THSD4: variants seen among roughly 807,000 people sequenced by gnomAD.
The protein encoded by THSD4 is thrombospondin type 1 domain containing 4.
Under a neutral mutation model 119.0 loss-of-function variants are expected in THSD4, and 69 were observed. The ratio of observed to expected loss-of-function variants is 0.58; its 90% CI spans 0.48 to 0.71. The LOEUF is 0.71. THSD4 is among the 30% of genes least tolerant of loss of function. THSD4 has a pLI of 0.00. For missense variants in THSD4, 1,393 were observed against 1,391.1 expected, an observed-to-expected ratio of 1.00 and a Z score of -0.02; for synonymous variants, 524 against 540.4, an observed-to-expected ratio of 0.97 and a Z score of 0.42.
intron 8 of THSD4, among the ~76,000 whole-genome samples, chr15:71,718,982 C>T (rs2052663646): frequency 6.6e-6 from 1 of 152,150 alleles, no homozygotes; most frequent in Admixed American, 6.5e-5. Context: ...AGTTTATTTT[C>T]TTATTATACC....
chr15:71,736,196 GCTCT>G (rs1567127123), intron 10 of THSD4, among the ~76,000 whole-genome samples: 2 of 111,270 alleles, frequency 1.8e-5, no homozygotes, highest in East Asian at 5.7e-4. Context: ...TCTCTCTCTT[GCTCT>G]CTGTCTCTCT....
At chr15:71,314,395 C>T (rs2045157123) in intron 6 of THSD4, among the ~76,000 whole-genome samples, 1 of 152,108 alleles carries the variant, frequency 6.6e-6, no homozygotes, top group Non-Finnish European at 1.5e-5. Context: ...CAACCTCTGA[C>T]TCCTGGGTCC....
chr15:71,135,433 G>A (rs1383145585), intron 1 of THSD4, among the ~76,000 whole-genome samples: 1 of 151,110 alleles, frequency 6.6e-6, no homozygotes, highest in African/African-American at 2.4e-5. Context: ...TGCAGTGAGG[G>A]GCAAGTGTAA....
At chr15:71,503,899 G>A (rs1022835983) in intron 7 of THSD4, among the ~76,000 whole-genome samples, 1 of 152,174 alleles carries the variant, frequency 6.6e-6, no homozygotes, top group African/African-American at 2.4e-5. Context: ...ACACAAAACA[G>A]GAAAATGGAA....
At chr15:71,349,734 A>G (rs910112938) in intron 6 of THSD4, among the ~76,000 whole-genome samples, 3 of 152,136 alleles carry the variant, frequency 2.0e-5, no homozygotes, top group Non-Finnish European at 4.4e-5. Flanking sequence ...TTGCTTTCAC[A>G]TGTTTTGGAG....
At chr15:71,280,045 C>T (rs919187795) in intron 6 of THSD4, among the ~76,000 whole-genome samples, 3 of 152,150 alleles carry the variant, frequency 2.0e-5, no homozygotes, top group Admixed American at 6.5e-5. Flanking sequence ...CTATTGGTGA[C>T]TGGGTGCCTG....
At position 71,173,147 on chromosome 15, in the gene THSD4, T is replaced by A. The variant is rs370277760; in HGVS notation, c.99+18215T>A. On this transcript the variant is annotated intron_variant, in intron 3 of 17. Coordinates refer to ENST00000261862, the MANE Select transcript of THSD4 (RefSeq NM_024817.3). The stretch of plus-strand genomic sequence containing the variant: ...CCCTAAAATATCTGTAAAAAGATTG[T>A]TAGAACTAATAAATGAATTCACCAA... Among the ~76,000 whole-genome samples, 59 of 152,228 alleles carry A rather than the reference T, an allele frequency of 3.9e-4. No individual in the cohort carries two copies. The East Asian group carries it at 6.8e-3, about 17-fold the overall frequency.
At chr15:71,711,096 CAT>C (rs3086743) in intron 8 of THSD4, among the ~76,000 whole-genome samples, 46 of 129,372 alleles carry the variant, frequency 3.6e-4, no homozygotes, top group Non-Finnish European at 4.0e-4. Flanking sequence ...TATATATATA[CAT>C]ATATATATAT....
chr15:71,323,988 C>T (rs1396204625), intron 6 of THSD4, among the ~76,000 whole-genome samples: 1 of 152,210 alleles, frequency 6.6e-6, no homozygotes, highest in African/African-American at 2.4e-5. Flanking sequence ...TTTTCTCATG[C>T]GGCACTCATC....
intron 3 of THSD4, among the ~76,000 whole-genome samples, chr15:71,184,858 G>C (rs1048115811): frequency 6.6e-6 from 1 of 151,644 alleles, no homozygotes; most frequent in African/African-American, 2.4e-5. Context: ...GTTTCGTTTT[G>C]TTGTTTTGTT....
intron 3 of THSD4, among the ~76,000 whole-genome samples, chr15:71,198,292 C>CAAAAAAAAA (rs1367476688): frequency 1.5e-3 from 225 of 152,206 alleles, no homozygotes; most frequent in African/African-American, 5.2e-3. Context: ...CTGGAGAATG[C>CAAAAAAAAA]GGTGGGGAAA....
At chr15:71,179,938 A>G (rs2043491087) in intron 3 of THSD4, among the ~76,000 whole-genome samples, 1 of 83,194 alleles carries the variant, frequency 1.2e-5, no homozygotes, top group Non-Finnish European at 2.5e-5. Flanking sequence ...TGGGAATTGA[A>G]CAATGAGATC....
chr15:71,341,329 C>A (rs1303903361), intron 6 of THSD4: 1 of 1,605,380 alleles, frequency 6.2e-7, no homozygotes, highest in African/African-American at 1.3e-5. Context: ...CTCTGTAGGT[C>A]CGGCGGTGCA....
At chr15:71,368,440 C>G (rs1441652445) in intron 6 of THSD4, among the ~76,000 whole-genome samples, 3 of 152,142 alleles carry the variant, frequency 2.0e-5, no homozygotes, top group African/African-American at 4.8e-5. Context: ...AGTCTTGAAT[C>G]CATCTTGAAT....
intron 7 of THSD4, among the ~76,000 whole-genome samples, chr15:71,560,955 C>T (rs1469257760): frequency 1.3e-5 from 2 of 148,324 alleles, no homozygotes; most frequent in African/African-American, 2.5e-5. Context: ...GTTCACTAAG[C>T]ATCATTCTCT....
At chr15:71,215,431 C>T (rs542227412) in intron 4 of THSD4, 32 bp downstream of exon 4, 5 of 1,484,032 alleles carry the variant, frequency 3.4e-6, no homozygotes, top group Admixed American at 2.2e-5. Flanking sequence ...TGCCGCTCCC[C>T]GTCCCTGTCC....
At chr15:71,536,182 T>A (rs1167857123) in intron 7 of THSD4, among the ~76,000 whole-genome samples, 1 of 152,200 alleles carries the variant, frequency 6.6e-6, no homozygotes, top group Non-Finnish European at 1.5e-5. Flanking sequence ...AAAATGGGTC[T>A]CACTAGACTG....
At chr15:71,470,513 T>C (rs2047560670) in intron 7 of THSD4, among the ~76,000 whole-genome samples, 1 of 152,248 alleles carries the variant, frequency 6.6e-6, no homozygotes, top group Non-Finnish European at 1.5e-5. Context: ...TTAATTTTCC[T>C]AATGGTCTCA....
rs759587323 is a variant in THSD4 at position 71,416,616 on chromosome 15, C to T, written c.1152+4793C>T. Among the ~76,000 whole-genome samples, 2 of 108,490 alleles carry T rather than the reference C, an allele frequency of 1.8e-5. 1 individual carries two copies. Among genetic ancestry groups the T allele is most frequent in the Non-Finnish European group, 4.1e-5 (2 of 49,178 alleles). The allele number at this position is 108,490 out of a possible 152,430, so 71.2% of individuals were successfully genotyped here. On this transcript the variant is annotated intron_variant, in intron 7 of 17. Transcript: ENST00000261862. ...GTGATGTTGAGTAGGTTTCTATATACCTCTTTTCCATTTGTATGTCTTCTT... is the reference window on the plus strand; with the variant it reads ...GTGATGTTGAGTAGGTTTCTATATATCTCTTTTCCATTTGTATGTCTTCTT...
Sources: allele counts gnomAD v4.1 joint callset (sites outside exome capture counted in the v4.1 genomes callset), GRCh38; gene constraint gnomAD v4.1.1; transcripts MANE v1.5; gene names NCBI Gene and HGNC (gene_info 2026-07-23, HGNC 2026-07-21).